The following INSYN2B variants were observed in gnomAD, a reference collection of about 807,000 sequenced individuals.
The protein encoded by INSYN2B is inhibitory synaptic factor family member 2B, also known as protein INSYN2B.
INSYN2B carries 16 observed loss-of-function variants against 41.2 expected under a neutral mutation model. The ratio of observed to expected loss-of-function variants is 0.39; its 90% CI spans 0.26 to 0.59. INSYN2B has a LOEUF of 0.59. Ranked by LOEUF, INSYN2B falls within the 20% of genes least tolerant of loss-of-function variation. INSYN2B has a pLI of 0.57. For synonymous variants in INSYN2B, 245 were observed against 244.4 expected (o/e 1.00, Z -0.02); for missense variants, 608 against 646.4 (o/e 0.94, Z 0.64).
chr5:169,928,936 A>G (rs995018395), intron 1 of INSYN2B, among the ~76,000 whole-genome samples: 1 of 152,202 alleles, frequency 6.6e-6, no homozygotes, highest in Admixed American at 6.5e-5. Flanking sequence ...TAACTGCGCT[A>G]TTAATTATGC....
chr5:169,877,228 A>G (rs1243792789), intron 3 of INSYN2B, among the ~76,000 whole-genome samples: 1 of 152,242 alleles, frequency 6.6e-6, no homozygotes, highest in Non-Finnish European at 1.5e-5. Context: ...GAGGAGCCAC[A>G]GACTACCTGA....
chr5:169,975,478 C>T (rs1035488351), intron 1 of INSYN2B, among the ~76,000 whole-genome samples: 4 of 152,148 alleles, frequency 2.6e-5, no homozygotes, highest in Admixed American at 6.5e-5. Context: ...TCATCATATA[C>T]GGAGCCTTCC....
chr5:169,953,406 C>T (rs985501014), intron 1 of INSYN2B, among the ~76,000 whole-genome samples: 2 of 151,462 alleles, frequency 1.3e-5, no homozygotes, highest in African/African-American at 4.9e-5. Context: ...GTCCTAGCTT[C>T]CTCTATTTCT....
At chr5:169,937,870 G>A (rs1776065806) in intron 1 of INSYN2B, among the ~76,000 whole-genome samples, 4 of 152,198 alleles carry the variant, frequency 2.6e-5, no homozygotes, top group African/African-American at 9.7e-5. Flanking sequence ...TCTCACGTGA[G>A]TGGTGGGTCC....
chr5:169,872,604 T>C (rs1458986045), intron 3 of INSYN2B, among the ~76,000 whole-genome samples: 5 of 152,242 alleles, frequency 3.3e-5, no homozygotes, highest in Admixed American at 3.3e-4. Flanking sequence ...TCTCTGCTGA[T>C]AGCTATATCT....
chr5:169,873,286 G>A (rs938650751), intron 3 of INSYN2B, among the ~76,000 whole-genome samples: 7 of 152,170 alleles, frequency 4.6e-5, no homozygotes, highest in Non-Finnish European at 8.8e-5. Flanking sequence ...CTCCTGTTGG[G>A]ACTCAGAGAA....
chr5:169,922,068 C>T (rs1047837973), intron 1 of INSYN2B, among the ~76,000 whole-genome samples: 10 of 152,170 alleles, frequency 6.6e-5, no homozygotes, highest in Non-Finnish European at 4.4e-5. Context: ...CTATTCTGCT[C>T]ATTTCCTTTT....
At chr5:169,945,417 G>GAAT (rs1455726645) in intron 1 of INSYN2B, among the ~76,000 whole-genome samples, 1 of 152,256 alleles carries the variant, frequency 6.6e-6, no homozygotes, top group Non-Finnish European at 1.5e-5. Flanking sequence ...AAATCAGTGA[G>GAAT]AATAAACTCA....
chr5:169,961,424 A>G (rs978733405), intron 1 of INSYN2B, among the ~76,000 whole-genome samples: 5 of 152,236 alleles, frequency 3.3e-5, no homozygotes, highest in African/African-American at 1.2e-4. Flanking sequence ...CTCTAACAAC[A>G]GTGCAAGAAT....
intron 1 of INSYN2B, among the ~76,000 whole-genome samples, chr5:169,945,891 T>A (rs1168455546): frequency 6.6e-6 from 1 of 152,330 alleles, no homozygotes; most frequent in East Asian, 1.9e-4. Flanking sequence ...TCCCAGAATA[T>A]TGATGTGGCT....
chr5:169,917,806 A>G (rs1185299845), intron 1 of INSYN2B, among the ~76,000 whole-genome samples: 1 of 152,208 alleles, frequency 6.6e-6, no homozygotes, highest in Non-Finnish European at 1.5e-5. Context: ...CTTGCAGTGG[A>G]GAGATAAGAC....
intron 1 of INSYN2B, among the ~76,000 whole-genome samples, chr5:169,902,808 A>G (rs948040582): frequency 2.0e-5 from 3 of 152,288 alleles, no homozygotes; most frequent in South Asian, 2.1e-4. Flanking sequence ...GACATAAAAG[A>G]AAGGGGTGAG....
intron 1 of INSYN2B, among the ~76,000 whole-genome samples, chr5:169,972,137 T>G (rs145879378): frequency 6.6e-6 from 1 of 152,238 alleles, no homozygotes; most frequent in African/African-American, 2.4e-5. Flanking sequence ...TAAGATGTCC[T>G]TTCCCATTCT....
intron 1 of INSYN2B, among the ~76,000 whole-genome samples, chr5:169,911,958 C>G (rs1774621013): frequency 6.6e-6 from 1 of 152,064 alleles, no homozygotes; most frequent in African/African-American, 2.4e-5. Flanking sequence ...ATGATGTTTC[C>G]TAGGTTGAAA....
rs867167851 is a variant in INSYN2B at position 169,933,758 on chromosome 5, C to T, written c.-919+46519G>A. ...CACTTCTCAGACTTCCAGGCAGCTG[C>T]CAACCTTTGCCTTCCCTTCTTGGAT... On this transcript the variant is annotated intron_variant, in intron 1 of 3. Coordinates refer to ENST00000377365, the MANE Select transcript of INSYN2B (RefSeq NM_001129891.3). Among the ~76,000 whole-genome samples the T allele has an allele frequency of 5.9e-5, 9 of 152,252 alleles. No individual in the cohort carries two copies. The South Asian group carries it at 1.7e-3, about 28-fold the overall frequency.
At chr5:169,952,206 C>G (rs192926701) in intron 1 of INSYN2B, among the ~76,000 whole-genome samples, 2 of 152,332 alleles carry the variant, frequency 1.3e-5, no homozygotes, top group East Asian at 3.9e-4. Flanking sequence ...AGAATTCACT[C>G]TAACCGAGCT....
chr5:169,907,335 A>G (rs1343290053), intron 1 of INSYN2B, among the ~76,000 whole-genome samples: 2 of 152,200 alleles, frequency 1.3e-5, no homozygotes, highest in Non-Finnish European at 2.9e-5. Flanking sequence ...GGCAGTAACC[A>G]TGTATTTCTA....
chr5:169,945,534 T>G lies in INSYN2B; in HGVS notation c.-919+34743A>C, dbSNP rs148678382. ...ATGCAATCTTCCCAGGCGTTCTTTTTTAATTAGGGAGATAGTATTGTGCTC... is the reference window on the plus strand; with the variant it reads ...ATGCAATCTTCCCAGGCGTTCTTTTGTAATTAGGGAGATAGTATTGTGCTC... On this transcript the variant is annotated intron_variant, in intron 1 of 3. Coordinates refer to ENST00000377365, the MANE Select transcript of INSYN2B (RefSeq NM_001129891.3). 2.1e-3 allele frequency among the ~76,000 whole-genome samples: 326 copies of G among 152,364 alleles called. 1 individual carries two copies. The highest frequency in any genetic ancestry group is 7.5e-3 in the African/African-American group (311 of 41,586).
At chr5:169,904,520 G>A (rs1774159520) in intron 1 of INSYN2B, among the ~76,000 whole-genome samples, 1 of 152,110 alleles carries the variant, frequency 6.6e-6, no homozygotes, top group Admixed American at 6.5e-5. Context: ...CTGAGGGAGT[G>A]AGGTGGGAAG....
Sources: gnomAD v4.1 joint callset for allele counts (sites outside exome capture counted in the v4.1 genomes callset) on GRCh38, gnomAD v4.1.1 for gene constraint, MANE v1.5 for transcripts, NCBI Gene and HGNC (gene_info 2026-07-23, HGNC 2026-07-21) for gene names.